Variants in GPM6B observed in about 807,000 individuals in gnomAD.
The protein encoded by GPM6B is neuronal membrane glycoprotein M6-b.
In GPM6B, 4 loss-of-function variants were observed where a neutral mutation model predicts 27.2. The observed-to-expected ratio is 0.15, with a 90% CI of 0.07 to 0.34. The LOEUF (loss-of-function observed/expected upper bound fraction) is 0.34. Ranked by LOEUF, GPM6B falls within the 10% of genes least tolerant of loss-of-function variation. The pLI, the probability that GPM6B is intolerant of heterozygous loss-of-function variation, is 1.00. For missense variants in GPM6B, 183 were observed against 261.9 expected, an observed-to-expected ratio of 0.70 and a Z score of 2.08; for synonymous variants, 124 against 103.1, an observed-to-expected ratio of 1.20 and a Z score of -1.23.
intron 7 of GPM6B, among the ~76,000 whole-genome samples, chrX:13,775,289 A>G (rs1229407720): frequency 8.8e-6 from 1 of 113,217 alleles, no homozygotes; most frequent in Non-Finnish European, 1.9e-5. Context: ...TACTTGAGGC[A>G]CTTCTTTCGC....
intron 1 of GPM6B, among the ~76,000 whole-genome samples, chrX:13,915,852 T>G (rs1407140883): frequency 8.9e-6 from 1 of 112,320 alleles, no homozygotes; most frequent in Non-Finnish European, 1.9e-5. Flanking sequence ...TGTGTATATA[T>G]CCCTTCATTT....
chrX:13,935,994 A>G (rs1011090335), intron 1 of GPM6B, among the ~76,000 whole-genome samples: 1 of 112,426 alleles, frequency 8.9e-6, no homozygotes, highest in Non-Finnish European at 1.9e-5. Context: ...AGGCAAATCC[A>G]TAGAGACAGA....
At chrX:13,899,960 G>A (rs749041675) in intron 1 of GPM6B, among the ~76,000 whole-genome samples, 6 of 112,108 alleles carry the variant, frequency 5.4e-5, no homozygotes, top group Non-Finnish European at 7.5e-5. Context: ...GCAAATCTAC[G>A]CCTTCTTGTG....
intron 1 of GPM6B, among the ~76,000 whole-genome samples, chrX:13,831,625 C>T (rs1459984185): frequency 9.0e-6 from 1 of 111,481 alleles, no homozygotes; most frequent in Admixed American, 9.5e-5. Context: ...AAACATCATC[C>T]AACCCTGGGA....
chrX:13,865,048 G>A (rs1225183831), intron 1 of GPM6B, among the ~76,000 whole-genome samples: 8 of 111,647 alleles, frequency 7.2e-5, no homozygotes, highest in Admixed American at 3.8e-4. Context: ...TTATTGTTCT[G>A]TACTTACCTA....
chrX:13,931,195 C>G (rs113735422), intron 1 of GPM6B, among the ~76,000 whole-genome samples: 2 of 69,371 alleles, frequency 2.9e-5, no homozygotes, highest in Non-Finnish European at 6.4e-5. Context: ...AAAACAAAAA[C>G]AAAACAACAA....
intron 3 of GPM6B, chrX:13,783,879 G>T (rs2048563006): frequency 5.8e-6 from 2 of 343,871 alleles, no homozygotes; most frequent in Non-Finnish European, 1.1e-5. Context: ...ACAGTTAGTG[G>T]CAAAGCCAGC....
At chrX:13,795,297 C>T (rs949410648) in intron 2 of GPM6B, among the ~76,000 whole-genome samples, 1 of 112,361 alleles carries the variant, frequency 8.9e-6, no homozygotes, top group Middle Eastern at 4.6e-3. Context: ...GAAAAGAGTA[C>T]AAAAATATCA....
At chrX:13,816,821 G>A (rs1205424054) in intron 1 of GPM6B, 23 bp downstream of exon 1, 3 of 1,206,355 alleles carry the variant, frequency 2.5e-6, no homozygotes, top group Non-Finnish European at 3.4e-6. Context: ...CTTTAAACAG[G>A]CTATTGTCAG....
At chrX:13,839,196 T>G (rs1204562851) in intron 1 of GPM6B, among the ~76,000 whole-genome samples, 1 of 111,537 alleles carries the variant, frequency 9.0e-6, no homozygotes, top group Admixed American at 9.5e-5. Flanking sequence ...TTTTGCTGAT[T>G]TCAACCCTTC....
chrX:13,813,750 T>C, intron 1 of GPM6B, among the ~76,000 whole-genome samples: 1 of 112,198 alleles, frequency 8.9e-6, no homozygotes, highest in African/African-American at 3.2e-5. Flanking sequence ...TTGGGTTCCA[T>C]GATCTATTTC....
chrX:13,914,829 T>C (rs1665787020), intron 1 of GPM6B, among the ~76,000 whole-genome samples: 1 of 112,162 alleles, frequency 8.9e-6, no homozygotes, highest in Non-Finnish European at 1.9e-5. Context: ...CACTCTTCCT[T>C]TGGAAGTGCC....
chrX:13,774,874 C>G (rs780974107), intron 7 of GPM6B, among the ~76,000 whole-genome samples: 14 of 112,084 alleles, frequency 1.2e-4, no homozygotes, highest in Non-Finnish European at 1.7e-4. Flanking sequence ...TCAAGAATAA[C>G]AAGACAGAGA....
At chrX:13,800,266 G>A (rs1037176045) in intron 2 of GPM6B, among the ~76,000 whole-genome samples, 2 of 112,051 alleles carry the variant, frequency 1.8e-5, no homozygotes, top group South Asian at 3.7e-4. Flanking sequence ...CCTGCCAGTA[G>A]CCACATGAAT....
At chrX:13,854,002 G>A (rs756213212) in intron 1 of GPM6B, among the ~76,000 whole-genome samples, 1 of 111,818 alleles carries the variant, frequency 8.9e-6, no homozygotes, top group South Asian at 3.8e-4. Context: ...TCTCAGATTG[G>A]TCAAGTCAAC....
chrX:13,874,889 A>G (rs1401354021), intron 1 of GPM6B, among the ~76,000 whole-genome samples: 1 of 110,171 alleles, frequency 9.1e-6, no homozygotes, highest in Non-Finnish European at 1.9e-5. Flanking sequence ...CATTAATGCT[A>G]TTATTGTTAT....
intron 1 of GPM6B, among the ~76,000 whole-genome samples, chrX:13,812,581 G>T (rs956407835): frequency 1.8e-5 from 2 of 111,456 alleles, no homozygotes; most frequent in Non-Finnish European, 1.9e-5. Flanking sequence ...GTCACAGAGA[G>T]GGGAAGTTTA....
intron 1 of GPM6B, among the ~76,000 whole-genome samples, chrX:13,903,529 C>T (rs1160896764): frequency 8.9e-6 from 1 of 112,163 alleles, no homozygotes; most frequent in Non-Finnish European, 1.9e-5. Flanking sequence ...TGCCCCTAAG[C>T]TCACGTTCAT....
At chrX:13,938,595 G>A (rs1210337793), upstream of GPM6B, 2 of 498,282 alleles carry the variant, frequency 4.0e-6, no homozygotes, top group African/African-American at 2.4e-5. Flanking sequence ...AAGTTTGCAG[G>A]TCTCGCGGGC....
Sources: allele counts gnomAD v4.1 joint callset (sites outside exome capture counted in the v4.1 genomes callset), GRCh38; gene constraint gnomAD v4.1.1; transcripts MANE v1.5; gene names NCBI Gene and HGNC (gene_info 2026-07-23, HGNC 2026-07-21).